Variants in CTNNAL1 observed in about 807,000 individuals in gnomAD.
CTNNAL1 encodes the protein catenin alpha like 1.
Under a neutral mutation model 93.6 loss-of-function variants are expected in CTNNAL1, and 69 were observed. That is an observed-to-expected ratio of 0.74 (90% CI 0.61 to 0.90). CTNNAL1 has a LOEUF of 0.90. Ranked by LOEUF, CTNNAL1 falls within the 40% of genes least tolerant of loss-of-function variation. The pLI is 0.00. For missense variants in CTNNAL1, 836 were observed against 862.0 expected, an observed-to-expected ratio of 0.97 and a Z score of 0.38; for synonymous variants, 286 against 305.4, an observed-to-expected ratio of 0.94 and a Z score of 0.66.
At chr9:108,960,082 G>A (rs905337468) in intron 11 of CTNNAL1, among the ~76,000 whole-genome samples, 12 of 152,022 alleles carry the variant, frequency 7.9e-5, no homozygotes, top group Non-Finnish European at 1.5e-4. Context: ...TAGTTCTGGA[G>A]GCACTCTATA....
intron 8 of CTNNAL1, 80 bp from the exon 9 acceptor site, chr9:108,972,913 A>C: frequency 7.0e-7 from 1 of 1,433,772 alleles, no homozygotes; most frequent in East Asian, 2.5e-5. Flanking sequence ...AAACAATAAC[A>C]TTTTGTGACC....
At chr9:108,980,194 A>G (rs1831387756) in intron 6 of CTNNAL1, among the ~76,000 whole-genome samples, 1 of 152,156 alleles carries the variant, frequency 6.6e-6, no homozygotes, top group Admixed American at 6.5e-5. Flanking sequence ...CTAACAGTCT[A>G]TCTCACCCCC....
chr9:109,003,184 C>T (rs1274302136), intron 1 of CTNNAL1, among the ~76,000 whole-genome samples: 1 of 152,108 alleles, frequency 6.6e-6, no homozygotes. Context: ...AACAGATCTC[C>T]CAAGAAGCCT....
intron 11 of CTNNAL1, among the ~76,000 whole-genome samples, chr9:108,964,474 T>C (rs1306947641): frequency 1.3e-5 from 2 of 151,972 alleles, no homozygotes; most frequent in Non-Finnish European, 2.9e-5. Flanking sequence ...CACAGTACAA[T>C]GGAAAATAAA....
chr9:108,945,463 CTTTT>C (rs578073650), intron 15 of CTNNAL1, among the ~76,000 whole-genome samples: 3 of 135,484 alleles, frequency 2.2e-5, no homozygotes, highest in Non-Finnish European at 1.6e-5. Flanking sequence ...GGTTTTCTTC[CTTTT>C]TTTTTTTTTT....
At chr9:109,008,905 T>TTTTTTTTTG (rs1827123166) in intron 1 of CTNNAL1, among the ~76,000 whole-genome samples, 1 of 108,464 alleles carries the variant, frequency 9.2e-6, no homozygotes. Context: ...TTTTTTTTTT[T>TTTTTTTTTG]GAGACAGGGT....
intron 7 of CTNNAL1, 139 bp downstream of exon 7, chr9:108,979,142 G>A: frequency 9.1e-7 from 1 of 1,095,738 alleles, no homozygotes; most frequent in Middle Eastern, 3.0e-4. Context: ...CCAACTAGGA[G>A]GGAAAGAAGG....
chr9:108,943,211 G>A (rs1377075727), intron 17 of CTNNAL1, among the ~76,000 whole-genome samples, 167 bp from the exon 18 acceptor site: 1 of 152,218 alleles, frequency 6.6e-6, no homozygotes, highest in East Asian at 1.9e-4. Flanking sequence ...CAGGACACAG[G>A]TGCAGGGGTA....
chr9:108,944,106 A>T (rs1263737037), intron 15 of CTNNAL1, 88 bp from the exon 16 acceptor site: 1 of 1,285,038 alleles, frequency 7.8e-7, no homozygotes, highest in East Asian at 2.4e-5. Context: ...TTTACGTAGA[A>T]TTTTAAAAAT....
At position 108,942,981 on chromosome 9, in the gene CTNNAL1, A is replaced by G. The variant is rs148910540; in HGVS notation, c.2119T>C (p.Cys707Arg). 3.1e-6 allele frequency: 5 copies of G among 1,612,986 alleles called. No homozygotes were observed. The African/African-American group carries it at 6.7e-5, about 22-fold the overall frequency. The change falls in exon 18 of 19, where the codon TGT becomes CGT. Residue 707 changes from cysteine (C) to arginine (R), a missense_variant. Physicochemically the swap from Cys to Arg is radical, Grantham distance 180 (BLOSUM62 -3). Coordinates refer to ENST00000325551, the MANE Select transcript of CTNNAL1 (RefSeq NM_003798.4). Reference sequence around the variant, plus strand: ...CTCACCTTCTTCAGCAGTTTATAACAAAGTGAAAGAAGTTGGACTAAGAGA... The same window carrying G: ...CTCACCTTCTTCAGCAGTTTATAACGAAGTGAAAGAAGTTGGACTAAGAGA... ...MALLVQLLSL[C>R]YKLLKKLQME...
In CTNNAL1 at chr9:108,988,967, C is replaced by G. The variant is rs531029870; in HGVS notation, c.639+1759G>C. Among the ~76,000 whole-genome samples the G allele has an allele frequency of 5.3e-5, 8 of 152,242 alleles. No individual in the cohort carries two copies. The South Asian group carries it at 1.7e-3, about 32-fold the overall frequency. Reference sequence around the variant, plus strand: ...GGATGCATATTCCAAAAAAGTGACCCAGGAGTAGCACTTATCAAACACAGA... The same window carrying G: ...GGATGCATATTCCAAAAAAGTGACCGAGGAGTAGCACTTATCAAACACAGA... On this transcript the variant is annotated intron_variant, in intron 4 of 18. Coordinates refer to ENST00000325551, the MANE Select transcript of CTNNAL1 (RefSeq NM_003798.4).
At chr9:108,955,695 T>C in intron 12 of CTNNAL1, 95 bp downstream of exon 12, 1 of 1,074,374 alleles carries the variant, frequency 9.3e-7, no homozygotes, top group Non-Finnish European at 1.4e-6. Flanking sequence ...GTCATGTCAA[T>C]TATTTGTGGT....
intron 7 of CTNNAL1, chr9:108,977,251 G>C: frequency 3.0e-6 from 1 of 328,964 alleles, no homozygotes; most frequent in Non-Finnish European, 5.5e-6. Flanking sequence ...ACTACAAATA[G>C]ATGAACTTCT....
intron 10 of CTNNAL1, among the ~76,000 whole-genome samples, chr9:108,967,767 G>C (rs900350233): frequency 1.3e-5 from 2 of 152,164 alleles, no homozygotes; most frequent in African/African-American, 4.8e-5. Context: ...GGAACAGACT[G>C]ACATGAGCAA....
intron 4 of CTNNAL1, among the ~76,000 whole-genome samples, chr9:108,987,950 G>A (rs921394291): frequency 1.3e-5 from 2 of 152,136 alleles, no homozygotes; most frequent in Non-Finnish European, 2.9e-5. Flanking sequence ...GGGTTTTCTA[G>A]ATATACAATC....
chr9:108,962,251 A>T (rs1214399863), intron 11 of CTNNAL1, among the ~76,000 whole-genome samples: 1 of 152,212 alleles, frequency 6.6e-6, no homozygotes, highest in Non-Finnish European at 1.5e-5. Flanking sequence ...AACCCAGTAC[A>T]TTCTCAAGAG....
rs566502080 is a variant in CTNNAL1 at position 108,944,041 on chromosome 9, C to G, written c.1885-23G>C. 10 of 1,594,064 alleles carry G rather than the reference C, an allele frequency of 6.3e-6. No individual in the cohort carries two copies. In the South Asian group the frequency reaches 1.0e-4, roughly 16 times the overall value. ...AACCTGGTAGAAAGAGAAAACACCA[C>G]TATTTTAGACTGATGTCTATGGATA... is the stretch of plus-strand genomic sequence containing the variant. On this transcript the variant is annotated intron_variant, in intron 15 of 18. Transcript: ENST00000325551.
At chr9:108,996,268 A>T (rs1420002969) in intron 2 of CTNNAL1, among the ~76,000 whole-genome samples, 1 of 152,124 alleles carries the variant, frequency 6.6e-6, no homozygotes, top group African/African-American at 2.4e-5. Flanking sequence ...AGCCAGCTCC[A>T]GTTTTTTATC....
intron 1 of CTNNAL1, among the ~76,000 whole-genome samples, chr9:109,000,027 A>C (rs1332276907): frequency 6.6e-6 from 1 of 152,238 alleles, no homozygotes; most frequent in African/African-American, 2.4e-5. Context: ...TAGTATTAAA[A>C]GAAGGGGAAG....
Sources: gnomAD v4.1 joint callset for allele counts (sites outside exome capture counted in the v4.1 genomes callset) on GRCh38, gnomAD v4.1.1 for gene constraint, MANE v1.5 for transcripts, NCBI Gene and HGNC (gene_info 2026-07-23, HGNC 2026-07-21) for gene names.